Variants in MBNL2 observed in about 807,000 individuals in gnomAD.
The protein encoded by MBNL2 is muscleblind like splicing regulator 2.
MBNL2 carries 17 observed loss-of-function variants against 41.9 expected under a neutral mutation model. The ratio of observed to expected loss-of-function variants is 0.41; its 90% CI spans 0.28 to 0.61. The LOEUF (loss-of-function observed/expected upper bound fraction) is 0.61, where lower values mean the gene tolerates loss of function less well. Ranked by LOEUF, MBNL2 falls within the 20% of genes least tolerant of loss-of-function variation. The pLI, the probability that MBNL2 is intolerant of heterozygous loss-of-function variation, is 0.35. For synonymous variants in MBNL2, 195 were observed against 182.9 expected (o/e 1.07, Z -0.53); for missense variants, 336 against 505.6 (o/e 0.66, Z 3.22).
rs748255908 is a variant in MBNL2 at position 97,334,316 on chromosome 13, C to T, written c.215C>T (p.Pro72Leu). The T allele has an allele frequency of 6.2e-7, 1 of 1,613,000 alleles. No homozygotes were observed. The highest frequency in any genetic ancestry group is 8.5e-7 in the Non-Finnish European group (1 of 1,179,582). ...GAGAACTGCAAGTATCTTCACCCTC[C>T]GACACACTTAAAAACTCAACTAGAA... Reference protein sequence around the residue: ...SRENCKYLHPPTHLKTQLEIN... With the variant: ...SRENCKYLHPLTHLKTQLEIN... Residue 72 changes from proline (P) to leucine (L), a missense_variant, in exon 3 of 9, where the codon CCG becomes CTG. Physicochemically the swap from Pro to Leu is moderately conservative, Grantham distance 98. Coordinates refer to ENST00000679496, the MANE Select transcript of MBNL2 (RefSeq NM_001382683.1). The surrounding 1 kb of genome is among the most constrained non-coding windows in gnomAD (Gnocchi z 5.3).
chr13:97,218,299 A>G (rs567197579), upstream of MBNL2, among the ~76,000 whole-genome samples: 4 of 152,190 alleles, frequency 2.6e-5, no homozygotes, highest in South Asian at 6.2e-4. Flanking sequence ...AGTCCCAGCT[A>G]CTTGGGAGAC....
At chr13:97,173,327 G>A in the MBNL2 span, among the ~76,000 whole-genome samples, 2 of 152,204 alleles carry the variant, frequency 1.3e-5, no homozygotes. Context: ...TGCTATGTCA[G>A]GCAAATATGG....
intron 5 of MBNL2, among the ~76,000 whole-genome samples, chr13:97,354,125 G>T (rs1409153116): frequency 1.4e-5 from 2 of 147,504 alleles, no homozygotes; most frequent in Non-Finnish European, 3.0e-5. Context: ...GCCCAGAGAA[G>T]CAAAGCCTCA....
the MBNL2 span, among the ~76,000 whole-genome samples, chr13:97,197,248 T>C: frequency 1.3e-5 from 2 of 152,338 alleles, 1 homozygote; most frequent in Non-Finnish European, 2.9e-5. Context: ...TATTGTCCTT[T>C]GCAGGCACGA....
intron 1 of MBNL2, among the ~76,000 whole-genome samples, chr13:97,235,721 A>G (rs1377281080): frequency 6.6e-6 from 1 of 152,030 alleles, no homozygotes; most frequent in Non-Finnish European, 1.5e-5. Context: ...TGTTGTCCGA[A>G]CCCTCTGTGG....
the MBNL2 span, among the ~76,000 whole-genome samples, chr13:97,192,974 C>T: frequency 6.6e-6 from 1 of 152,298 alleles, no homozygotes; most frequent in East Asian, 1.9e-4. Flanking sequence ...TCAAGAGAGA[C>T]CCGGCAGCTA....
intron 5 of MBNL2, among the ~76,000 whole-genome samples, chr13:97,349,639 T>C (rs2062243254): frequency 6.6e-6 from 1 of 152,234 alleles, no homozygotes; most frequent in African/African-American, 2.4e-5. Context: ...GTGATTCTTA[T>C]GCGCCAGCCT....
At chr13:97,201,209 G>A in the MBNL2 span, among the ~76,000 whole-genome samples, 1 of 152,190 alleles carries the variant, frequency 6.6e-6, no homozygotes, top group Non-Finnish European at 1.5e-5. Flanking sequence ...AAGAAGAAAA[G>A]TGGGACTTCA....
chr13:97,359,215 G>A (rs921465435), intron 7 of MBNL2, among the ~76,000 whole-genome samples: 1 of 151,798 alleles, frequency 6.6e-6, no homozygotes, highest in Admixed American at 6.6e-5. Flanking sequence ...TTAATGTCCT[G>A]TGTGGTTTCT....
intron 1 of MBNL2, among the ~76,000 whole-genome samples, chr13:97,241,078 T>C (rs1203376656): frequency 2.0e-5 from 3 of 152,174 alleles, no homozygotes; most frequent in Non-Finnish European, 2.9e-5. Context: ...AGCCCTCTGG[T>C]CCCTCAGGAA....
intron 8 of MBNL2, among the ~76,000 whole-genome samples, chr13:97,377,869 T>C (rs765526726): frequency 7.9e-5 from 12 of 152,146 alleles, no homozygotes; most frequent in Non-Finnish European, 1.8e-4. Flanking sequence ...AGTTGTTGGG[T>C]TGGAGTTTTT....
the MBNL2 span, among the ~76,000 whole-genome samples, chr13:97,167,343 G>A: frequency 1.3e-5 from 2 of 151,136 alleles, no homozygotes; most frequent in Admixed American, 1.3e-4. Context: ...CCACAATGTT[G>A]CCATCATCGT....
At chr13:97,183,932 C>T in the MBNL2 span, among the ~76,000 whole-genome samples, 1 of 152,204 alleles carries the variant, frequency 6.6e-6, no homozygotes, top group East Asian at 1.9e-4. Flanking sequence ...AATCCCCAGT[C>T]TCTTTTTTTC....
intron 8 of MBNL2, among the ~76,000 whole-genome samples, chr13:97,380,647 G>A (rs1408399646): frequency 6.6e-6 from 1 of 152,152 alleles, no homozygotes; most frequent in African/African-American, 2.4e-5. Flanking sequence ...AATAATTACA[G>A]TCAGAGTCCT....
Position 97,299,371 on chromosome 13 carries a change from G to A in MBNL2, c.174+22962G>A, listed in dbSNP as rs536247360. Among the ~76,000 whole-genome samples, 10 of 152,238 alleles carry A rather than the reference G, an allele frequency of 6.6e-5. No homozygotes were observed. In the South Asian group the frequency reaches 2.1e-3, roughly 32 times the overall value. ...GGAGCTTATATTCCAGGGAGAGAGA[G>A]AGGAGACAGACACCAAGCAAATAAA... On this transcript the variant is annotated intron_variant, in intron 2 of 8. Transcript: ENST00000679496.
chr13:97,228,580 G>A (rs569350171), intron 1 of MBNL2, among the ~76,000 whole-genome samples: 1 of 143,446 alleles, frequency 7.0e-6, no homozygotes, highest in African/African-American at 2.6e-5. Context: ...CCAAGCTGGA[G>A]TGCGGTGGCA....
At chr13:97,221,369 G>GAAATAAATAAATAAAT (rs112515027), upstream of MBNL2, 437 of 151,042 alleles carry the variant, frequency 2.9e-3, 5 homozygotes, top group African/African-American at 7.0e-3. Flanking sequence ...TGTAGACTGG[G>GAAATAAATAAATAAAT]AAATAAATAA....
chr13:97,206,453 A>T, the MBNL2 span, among the ~76,000 whole-genome samples: 1 of 152,274 alleles, frequency 6.6e-6, no homozygotes, highest in Non-Finnish European at 1.5e-5. Context: ...GTTGATAATT[A>T]GGTTTGGCTG....
the MBNL2 span, among the ~76,000 whole-genome samples, chr13:97,188,747 C>T: frequency 6.6e-6 from 1 of 152,146 alleles, no homozygotes; most frequent in Admixed American, 6.5e-5. Context: ...CTTCTCCAAG[C>T]ATCTTATCCT....
Sources: gnomAD v4.1 joint callset for allele counts (sites outside exome capture counted in the v4.1 genomes callset) on GRCh38, gnomAD v4.1.1 for gene constraint, Gnocchi (gnomAD v3.1) non-coding constraint, MANE v1.5 for transcripts, NCBI Gene and HGNC (gene_info 2026-07-23, HGNC 2026-07-21) for gene names.